The following EEPD1 variants were observed in gnomAD, a reference collection of about 807,000 sequenced individuals.
The protein encoded by EEPD1 is endonuclease/exonuclease/phosphatase family domain-containing protein 1.
EEPD1 carries 17 observed loss-of-function variants against 46.3 expected under a neutral mutation model. The ratio of observed to expected loss-of-function variants is 0.37; its 90% CI spans 0.25 to 0.55. The LOEUF is 0.55. Ranked by LOEUF, EEPD1 falls within the 20% of genes least tolerant of loss-of-function variation. EEPD1 has a pLI of 0.83. For synonymous variants in EEPD1, 313 were observed against 315.6 expected, an observed-to-expected ratio of 0.99 and a Z score of 0.09; for missense variants, 673 against 745.6, an observed-to-expected ratio of 0.90 and a Z score of 1.13.
intron 2 of EEPD1, among the ~76,000 whole-genome samples, chr7:36,171,694 TC>T (rs1406623521): frequency 5.3e-5 from 8 of 152,256 alleles, no homozygotes; most frequent in African/African-American, 1.9e-4. Context: ...CTTTGCTTCT[TC>T]CACTTTCACA....
At chr7:36,263,448 T>C (rs1421143710) in intron 3 of EEPD1, among the ~76,000 whole-genome samples, 2 of 152,228 alleles carry the variant, frequency 1.3e-5, no homozygotes, top group Non-Finnish European at 2.9e-5. Flanking sequence ...GTTCACCTGT[T>C]AGTGGCTTCC....
chr7:36,242,036 G>A (rs934744884), intron 3 of EEPD1, among the ~76,000 whole-genome samples: 3 of 152,232 alleles, frequency 2.0e-5, no homozygotes, highest in African/African-American at 4.8e-5. Flanking sequence ...GTGCTGCCCT[G>A]AGGATGTGAT....
In EEPD1 at chr7:36,202,509, T is replaced by C. The variant is rs1426005179; in HGVS notation, c.879-36476T>C. 4.6e-5 allele frequency among the ~76,000 whole-genome samples: 7 copies of C among 152,284 alleles called. No individual in the cohort carries two copies. In the East Asian group the frequency reaches 1.4e-3, roughly 29 times the overall value. On this transcript the variant is annotated intron_variant, in intron 2 of 7. Transcript: ENST00000242108. ...GGACTGTAGCCTGGTTCTGAGGGTGTTGGAGCTGGCATCCAGGCTCTGCGA... is the reference window on the plus strand; with the variant it reads ...GGACTGTAGCCTGGTTCTGAGGGTGCTGGAGCTGGCATCCAGGCTCTGCGA...
At chr7:36,238,395 A>G (rs1389044360) in intron 2 of EEPD1, among the ~76,000 whole-genome samples, 1 of 152,162 alleles carries the variant, frequency 6.6e-6, no homozygotes, top group Admixed American at 6.5e-5. Context: ...GCCCCTATTC[A>G]AGATGGAATA....
chr7:36,244,302 C>T (rs1321156830), intron 3 of EEPD1, among the ~76,000 whole-genome samples: 1 of 152,062 alleles, frequency 6.6e-6, no homozygotes. Flanking sequence ...GGAAGCTATT[C>T]TAAAGGGGCC....
At chr7:36,255,671 G>A (rs1237195201) in intron 3 of EEPD1, among the ~76,000 whole-genome samples, 2 of 152,138 alleles carry the variant, frequency 1.3e-5, no homozygotes, top group Admixed American at 6.5e-5. Flanking sequence ...GATCAGTGGT[G>A]ATATCCCCTT....
At position 36,284,671 on chromosome 7, in the gene EEPD1, C is replaced by G; in HGVS notation, c.1042-15C>G. ...GGGCTCTGGCACCAAGACTCTGTCTCCCTCTCCGCTGCAGGGAGCTGGGTA... is the reference window on the plus strand; with the variant it reads ...GGGCTCTGGCACCAAGACTCTGTCTGCCTCTCCGCTGCAGGGAGCTGGGTA... On this transcript the variant is annotated splice_polypyrimidine_tract_variant and intron_variant, in intron 4 of 7. Transcript: ENST00000242108. 6.2e-7 allele frequency: 1 copy of G among 1,608,982 alleles called. No individual in the cohort carries two copies. The highest frequency in any genetic ancestry group is 8.5e-7 in the Non-Finnish European group (1 of 1,177,676).
intron 3 of EEPD1, among the ~76,000 whole-genome samples, chr7:36,274,364 G>A (rs1391944833): frequency 6.6e-6 from 1 of 152,216 alleles, no homozygotes; most frequent in Non-Finnish European, 1.5e-5. Context: ...AGCAGAGAGT[G>A]TATTTCTGCC....
chr7:36,287,694 T>A lies in EEPD1; in HGVS notation c.1232T>A (p.Leu411Gln). Residue 411 changes from leucine to glutamine, a missense_variant, in exon 6 of 8, where the codon CTG (leucine) becomes CAG (glutamine). By Grantham distance (113) the Leu-to-Gln change is moderately radical (BLOSUM62 -2). Coordinates refer to ENST00000242108, the MANE Select transcript of EEPD1 (RefSeq NM_030636.3). The stretch of plus-strand genomic sequence containing the variant: ...CTTCACCTGGCAGCCCTGACCCTCC[T>A]GGGGAGCGAGAATCCCAGCAAGAAT... Reference protein sequence around the residue: ...VNLHLAALTLLGSENPSKNHS... With the variant: ...VNLHLAALTLQGSENPSKNHS... 6.2e-7 allele frequency: 1 copy of A among 1,614,126 alleles called. No individual in the cohort carries two copies. Among genetic ancestry groups the A allele is most frequent in the Non-Finnish European group, 8.5e-7 (1 of 1,180,014 alleles).
At chr7:36,298,967 C>T (rs776968114) in intron 7 of EEPD1, 40 bp from the exon 8 acceptor site, 3 of 1,603,618 alleles carry the variant, frequency 1.9e-6, no homozygotes, top group Non-Finnish European at 8.5e-7. Context: ...ACCCAACCCC[C>T]CATCCTGATT....
intron 6 of EEPD1, among the ~76,000 whole-genome samples, chr7:36,295,189 AG>A (rs1787503462): frequency 2.0e-5 from 3 of 151,950 alleles, no homozygotes; most frequent in Admixed American, 1.3e-4. Context: ...AAAGAAAAAA[AG>A]AAAAAATATG....
At chr7:36,157,343 G>A (rs1055279492) in intron 2 of EEPD1, among the ~76,000 whole-genome samples, 7 of 152,168 alleles carry the variant, frequency 4.6e-5, no homozygotes, top group African/African-American at 1.7e-4. Flanking sequence ...TCATCTTCTA[G>A]GACCTATGAA....
intron 2 of EEPD1, among the ~76,000 whole-genome samples, chr7:36,236,320 C>T (rs1053192658): frequency 2.6e-5 from 4 of 152,332 alleles, no homozygotes; most frequent in Middle Eastern, 3.4e-3. Context: ...GCGGCGCTGG[C>T]GGGCCACGGG....
At chr7:36,182,390 C>T (rs1284414982) in intron 2 of EEPD1, among the ~76,000 whole-genome samples, 3 of 152,168 alleles carry the variant, frequency 2.0e-5, no homozygotes, top group Admixed American at 6.5e-5. Context: ...GGTGGGGGCA[C>T]GGGGAGGGCT....
chr7:36,299,031 G>T lies in EEPD1; in HGVS notation c.1535G>T (p.Gly512Val). ...FTGHWAVVRE[G>V]LTNPWIPDNW... ...GGTCACTGGGCTGTGGTGAGAGAAGGCCTCACGAACCCTTGGATTCCGGAT... is the reference window on the plus strand; with the variant it reads ...GGTCACTGGGCTGTGGTGAGAGAAGTCCTCACGAACCCTTGGATTCCGGAT... The change falls in exon 8 of 8, where the codon GGC (glycine) becomes GTC (valine). Residue 512 changes from glycine to valine, a missense_variant. Physicochemically the swap from Gly to Val is moderately radical, Grantham distance 109. Transcript: ENST00000242108. 2 of 1,614,114 alleles carry T rather than the reference G, an allele frequency of 1.2e-6. No homozygotes were observed. Among genetic ancestry groups the T allele is most frequent in the Non-Finnish European group, 1.7e-6 (2 of 1,180,020 alleles).
chr7:36,182,792 C>G (rs2115658776), intron 2 of EEPD1, among the ~76,000 whole-genome samples: 1 of 152,332 alleles, frequency 6.6e-6, no homozygotes, highest in South Asian at 2.1e-4. Context: ...GACACGGGAC[C>G]AATTCACAGA....
At chr7:36,289,702 G>C (rs923657275) in intron 6 of EEPD1, among the ~76,000 whole-genome samples, 1 of 152,206 alleles carries the variant, frequency 6.6e-6, no homozygotes, top group Non-Finnish European at 1.5e-5. Context: ...CACCGTGTTA[G>C]CCAGGATGGT....
At chr7:36,189,966 C>A (rs955541350) in intron 2 of EEPD1, among the ~76,000 whole-genome samples, 1 of 152,110 alleles carries the variant, frequency 6.6e-6, no homozygotes, top group Middle Eastern at 3.2e-3. Flanking sequence ...ACAGCCTGGG[C>A]AATGTAGTGA....
chr7:36,284,591 C>G, intron 4 of EEPD1, 95 bp from the exon 5 acceptor site: 1 of 1,459,996 alleles, frequency 6.8e-7, no homozygotes, highest in Non-Finnish European at 9.2e-7. Flanking sequence ...CAGAGTAGGG[C>G]CTACTGCCTC....
Sources: gnomAD v4.1 joint callset for allele counts (sites outside exome capture counted in the v4.1 genomes callset) on GRCh38, gnomAD v4.1.1 for gene constraint, MANE v1.5 for transcripts, NCBI Gene and HGNC (gene_info 2026-07-23, HGNC 2026-07-21) for gene names.